PTPRG: variants seen among roughly 807,000 people sequenced by gnomAD.
PTPRG encodes the protein protein tyrosine phosphatase receptor type G, also known as receptor-type tyrosine-protein phosphatase gamma.
Under a neutral mutation model 165.3 loss-of-function variants are expected in PTPRG, and 102 were observed. The ratio of observed to expected loss-of-function variants is 0.62; its 90% CI spans 0.53 to 0.73. PTPRG has a LOEUF of 0.73. Among genes scored for constraint, PTPRG ranks in the 30% least tolerant of loss-of-function variants. The pLI, the probability that PTPRG is intolerant of heterozygous loss-of-function variation, is 0.00. For missense variants in PTPRG, 1,866 were observed against 1,861.4 expected (o/e 1.00, Z -0.05); for synonymous variants, 675 against 669.5 (o/e 1.01, Z -0.13).
chr3:61,813,295 G>A (rs1303194827), intron 2 of PTPRG, among the ~76,000 whole-genome samples: 1 of 144,442 alleles, frequency 6.9e-6, no homozygotes, highest in East Asian at 2.0e-4. Flanking sequence ...CAGGAGACCA[G>A]CCTGGTTAAC....
At chr3:62,179,153 A>G (rs1705553664) in intron 8 of PTPRG, among the ~76,000 whole-genome samples, 1 of 152,190 alleles carries the variant, frequency 6.6e-6, no homozygotes, top group Non-Finnish European at 1.5e-5. Context: ...TTCCTAGGGC[A>G]TAAGAAACAG....
chr3:61,823,869 G>A (rs1320950681), intron 2 of PTPRG, among the ~76,000 whole-genome samples: 1 of 152,164 alleles, frequency 6.6e-6, no homozygotes, highest in Non-Finnish European at 1.5e-5. Flanking sequence ...GCTCACGCCT[G>A]TAATCCCAGG....
intron 23 of PTPRG, among the ~76,000 whole-genome samples, chr3:62,274,243 A>G (rs562803256): frequency 1.3e-5 from 2 of 152,268 alleles, no homozygotes; most frequent in South Asian, 4.1e-4. Flanking sequence ...TATTTCAAAA[A>G]CTATTTCAGA....
intron 4 of PTPRG, among the ~76,000 whole-genome samples, chr3:62,047,206 G>C (rs1005908418): frequency 1.3e-5 from 2 of 151,818 alleles, no homozygotes; most frequent in Non-Finnish European, 2.9e-5. Flanking sequence ...CTAGAATGCA[G>C]GGATTTTTTG....
At chr3:61,649,407 C>G (rs1314354451) in intron 1 of PTPRG, among the ~76,000 whole-genome samples, 1 of 152,154 alleles carries the variant, frequency 6.6e-6, no homozygotes, top group Non-Finnish European at 1.5e-5. Context: ...GTTCAGCTGT[C>G]TGGTGAGGGT....
intron 4 of PTPRG, among the ~76,000 whole-genome samples, chr3:62,069,684 T>TCTCTCTCTCTCTCTCTCA (rs542306888): frequency 1.4e-5 from 2 of 144,962 alleles, no homozygotes; most frequent in African/African-American, 5.3e-5. Context: ...TCTCTCTCTC[T>TCTCTCTCTCTCTCTCTCA]CACACACAGA....
At chr3:62,183,342 T>TC (rs1705733828) in intron 8 of PTPRG, among the ~76,000 whole-genome samples, 1 of 152,076 alleles carries the variant, frequency 6.6e-6, no homozygotes, top group Non-Finnish European at 1.5e-5. Context: ...AGTGGGTGGA[T>TC]CACTTGAGGT....
intron 2 of PTPRG, among the ~76,000 whole-genome samples, chr3:61,833,658 G>T (rs1262027312): frequency 6.6e-6 from 1 of 152,048 alleles, no homozygotes; most frequent in Non-Finnish European, 1.5e-5. Context: ...CGCCACCTGG[G>T]TTCAAGCAAT....
At chr3:61,885,001 C>G (rs2037989135) in intron 2 of PTPRG, among the ~76,000 whole-genome samples, 1 of 151,838 alleles carries the variant, frequency 6.6e-6, no homozygotes, top group African/African-American at 2.4e-5. Context: ...ACAGATCTGT[C>G]CTGCGTGTGC....
chr3:61,674,815 CT>C (rs1398606525), intron 1 of PTPRG, among the ~76,000 whole-genome samples: 1 of 152,120 alleles, frequency 6.6e-6, no homozygotes, highest in Non-Finnish European at 1.5e-5. Flanking sequence ...GATAATTCCC[CT>C]CTGTGTGAGT....
intron 2 of PTPRG, among the ~76,000 whole-genome samples, chr3:61,949,627 C>T (rs1284117865): frequency 6.6e-6 from 1 of 152,100 alleles, no homozygotes; most frequent in Non-Finnish European, 1.5e-5. Flanking sequence ...ACCAAGTTTC[C>T]ATGACTGTCA....
At chr3:61,955,289 T>C (rs2040004890) in intron 2 of PTPRG, among the ~76,000 whole-genome samples, 1 of 152,138 alleles carries the variant, frequency 6.6e-6, no homozygotes, top group Non-Finnish European at 1.5e-5. Context: ...AATGGCCACT[T>C]TTTTTTTCTC....
chr3:61,757,863 C>T (rs936005487), intron 2 of PTPRG, among the ~76,000 whole-genome samples: 5 of 151,888 alleles, frequency 3.3e-5, no homozygotes, highest in East Asian at 1.9e-4. Flanking sequence ...GGGGTGTGCG[C>T]GTGGGTGGAA....
chr3:61,796,341 T>C (rs2035043155), intron 2 of PTPRG, among the ~76,000 whole-genome samples: 1 of 152,168 alleles, frequency 6.6e-6, no homozygotes, highest in Admixed American at 6.5e-5. Context: ...GCAGCAAAGA[T>C]TATTGATATG....
chr3:61,892,290 G>A (rs552880863), intron 2 of PTPRG, among the ~76,000 whole-genome samples: 6 of 152,250 alleles, frequency 3.9e-5, no homozygotes, highest in African/African-American at 1.4e-4. Context: ...GCAGTGGCAC[G>A]ATCCTGGCCT....
At chr3:61,863,671 T>C (rs1180181113) in intron 2 of PTPRG, among the ~76,000 whole-genome samples, 3 of 152,220 alleles carry the variant, frequency 2.0e-5, no homozygotes, top group Admixed American at 2.0e-4. Context: ...TTGGGCAATA[T>C]GACTCTGAGT....
chr3:61,904,419 C>T (rs1411060565), intron 2 of PTPRG, among the ~76,000 whole-genome samples: 1 of 152,140 alleles, frequency 6.6e-6, no homozygotes, highest in Non-Finnish European at 1.5e-5. Flanking sequence ...TTTGACTAAC[C>T]ATCTCCCTAC....
intron 4 of PTPRG, among the ~76,000 whole-genome samples, chr3:62,064,721 A>ATTTTTTTTT (rs35605831): frequency 1.6e-5 from 1 of 62,886 alleles, no homozygotes; most frequent in African/African-American, 6.3e-5. Context: ...GGTTATTTGG[A>ATTTTTTTTT]TTTTTTTTTT....
chr3:61,659,276 T>C, intron 1 of PTPRG: 5 of 982,020 alleles, frequency 5.1e-6, no homozygotes, highest in Non-Finnish European at 6.0e-6. Flanking sequence ...CAATGTATGT[T>C]TTCTTTCATC....
Sources: gnomAD v4.1 joint callset for allele counts (sites outside exome capture counted in the v4.1 genomes callset) on GRCh38, gnomAD v4.1.1 for gene constraint, MANE v1.5 for transcripts, NCBI Gene and HGNC (gene_info 2026-07-23, HGNC 2026-07-21) for gene names.